Variants in TTC21A observed in about 807,000 individuals in gnomAD.
TTC21A encodes tetratricopeptide repeat domain 21A.
Under a neutral mutation model 156.4 loss-of-function variants are expected in TTC21A, and 128 were observed. That is an observed-to-expected ratio of 0.82 (90% confidence interval 0.71 to 0.95). The LOEUF (loss-of-function observed/expected upper bound fraction) is 0.95, where lower values mean the gene tolerates loss of function less well. Among genes scored for constraint, TTC21A ranks in the 40% least tolerant of loss-of-function variants. TTC21A has a pLI of 0.00. For missense variants in TTC21A, 1,435 were observed against 1,602.3 expected, an observed-to-expected ratio of 0.90 and a Z score of 1.78; for synonymous variants, 587 against 617.1, an observed-to-expected ratio of 0.95 and a Z score of 0.72.
chr3:39,114,840 G>A lies in TTC21A; in HGVS notation c.716+98G>A, dbSNP rs1261361516. On this transcript the variant is annotated intron_variant, in intron 6 of 28. Coordinates refer to ENST00000683103, the MANE Select transcript of TTC21A (RefSeq NM_001366900.1). ...AGAACAAGACAGAAAGGTAAATATC[G>A]CCCATAGAGGAACTGGGAATTGTGC... The A allele has an allele frequency of 5.0e-5, 71 of 1,424,570 alleles. 2 individuals are homozygous for A. In the South Asian group the frequency reaches 5.4e-4, roughly 11 times the overall value. The allele number at this position is 1,424,570 out of a possible 1,614,324, so 88.2% of individuals were successfully genotyped here. A position where few individuals can be genotyped will look rare whatever the true frequency, so the allele number is the denominator to read the frequency against.
intron 6 of TTC21A, among the ~76,000 whole-genome samples, chr3:39,117,864 T>C (rs1459604235): frequency 6.6e-6 from 1 of 152,184 alleles, no homozygotes; most frequent in Non-Finnish European, 1.5e-5. Flanking sequence ...AGGTCAGACC[T>C]TTGTCACATG....
chr3:39,117,259 G>T (rs1263648355), intron 6 of TTC21A, among the ~76,000 whole-genome samples: 1 of 152,202 alleles, frequency 6.6e-6, no homozygotes, highest in Non-Finnish European at 1.5e-5. Context: ...GGTTTACAGT[G>T]CTTTCAGAAG....
chr3:39,132,117 A>G (rs1424506976), intron 19 of TTC21A, among the ~76,000 whole-genome samples: 2 of 152,172 alleles, frequency 1.3e-5, no homozygotes, highest in Non-Finnish European at 2.9e-5. Flanking sequence ...ATGTTACTCT[A>G]CTGAATACTG....
At position 39,133,154 on chromosome 3, in the gene TTC21A, G is replaced by A. The variant is rs1346101901; in HGVS notation, c.2665G>A (p.Ala889Thr). The change falls in exon 20 of 29, where the codon GCA becomes ACA. Residue 889 changes from alanine to threonine, a missense_variant. Coordinates refer to ENST00000683103, the MANE Select transcript of TTC21A (RefSeq NM_001366900.1). ...QLAASICIQF[A>T]EHYLAEKEYD... ...GGCAGCCTCTATCTGCATCCAATTT[G>A]CAGAGCACTACCTGGCAGAGAAAGA... The A allele has an allele frequency of 1.2e-6, 2 of 1,614,098 alleles. No individual in the cohort carries two copies. Among genetic ancestry groups the A allele is most frequent in the Non-Finnish European group, 1.7e-6 (2 of 1,180,050 alleles).
At position 39,111,033 on chromosome 3, in the gene TTC21A, T is replaced by C; in HGVS notation, c.435+16T>C. The stretch of plus-strand genomic sequence containing the variant: ...CTTCAGAGAGGTACTTACCACACCA[T>C]GGGGACAACAGGCGAAGAAAGCAGC... On this transcript the variant is annotated intron_variant, in intron 4 of 28. Transcript: ENST00000683103. 1 of 1,584,582 alleles carries C rather than the reference T, an allele frequency of 6.3e-7. No homozygotes were observed. The highest frequency in any genetic ancestry group is 8.6e-7 in the Non-Finnish European group (1 of 1,161,870).
chr3:39,130,907 C>G lies in TTC21A; in HGVS notation c.2458+68C>G. Reference sequence around the variant, plus strand: ...ATACTCCTCCCCCATTCCCCATTAGCTGAAGTCCTGATCCCAGCGCTCCCC... The same window carrying G: ...ATACTCCTCCCCCATTCCCCATTAGGTGAAGTCCTGATCCCAGCGCTCCCC... On this transcript the variant is annotated intron_variant, in intron 18 of 28. Coordinates refer to ENST00000683103, the MANE Select transcript of TTC21A (RefSeq NM_001366900.1). The surrounding 1 kb of genome is among the most constrained non-coding windows in gnomAD (Gnocchi z 4.5). The G allele has an allele frequency of 6.2e-7, 1 of 1,608,978 alleles. No homozygotes were observed. The highest frequency in any genetic ancestry group is 8.5e-7 in the Non-Finnish European group (1 of 1,176,258).
chr3:39,136,670 G>A (rs2039139426), intron 23 of TTC21A, 163 bp downstream of exon 23: 3 of 1,050,648 alleles, frequency 2.9e-6, no homozygotes, highest in African/African-American at 3.2e-5. Context: ...CCCTGTGGAA[G>A]TCAGGGAGAG....
Position 39,134,888 on chromosome 3 carries a change from G to A in TTC21A, c.2863-205G>A. 1.7e-6 allele frequency: 1 copy of A among 601,342 alleles called. No homozygotes were observed. Among genetic ancestry groups the A allele is most frequent in the South Asian group, 2.0e-5 (1 of 49,710 alleles). 37.3% of individuals were successfully genotyped at this position (601,342 alleles called of 1,614,324 possible). The stretch of plus-strand genomic sequence containing the variant: ...CCAACTCTTCTTGCCCCTCACCTTG[G>A]GAAGTCCTCACCTTCTGGGTGGGGG... On this transcript the variant is annotated intron_variant, in intron 21 of 28. Coordinates refer to ENST00000683103, the MANE Select transcript of TTC21A (RefSeq NM_001366900.1). The surrounding 1 kb of genome is among the most constrained non-coding windows in gnomAD (Gnocchi z 4.6).
rs766726282 is a variant in TTC21A at position 39,126,369 on chromosome 3, G to A, written c.1501G>A (p.Ala501Thr). ...TCTGATCGACCCCCTGTATTTGATG[G>A]CTCAGGTCAGGTATTACTCAGGTGA... ...PALIDPLYLM[A>T]QVRYYSGELE... is the part of the protein sequence containing the mutation. The change falls in exon 12 of 29, where the codon GCT becomes ACT. Residue 501 changes from alanine to threonine, a missense_variant. Physicochemically the swap from Ala to Thr is moderately conservative, Grantham distance 58. Coordinates refer to ENST00000683103, the MANE Select transcript of TTC21A (RefSeq NM_001366900.1). The A allele has an allele frequency of 6.2e-7, 1 of 1,613,850 alleles. No individual in the cohort carries two copies. The highest frequency in any genetic ancestry group is 8.5e-7 in the Non-Finnish European group (1 of 1,179,942).
intron 8 of TTC21A, 64 bp from the exon 9 acceptor site, chr3:39,120,933 A>G: frequency 1.4e-6 from 2 of 1,435,420 alleles, no homozygotes; most frequent in Non-Finnish European, 1.9e-6. Context: ...CGTTTCTGAC[A>G]TGACCTTGCT....
chr3:39,109,529 A>G (rs2036614399), intron 2 of TTC21A, among the ~76,000 whole-genome samples: 2 of 152,146 alleles, frequency 1.3e-5, no homozygotes, highest in African/African-American at 4.8e-5. Flanking sequence ...AATGCAGGCA[A>G]AGGAGGGGGA....
At position 39,138,250 on chromosome 3, in the gene TTC21A, A is replaced by C. The variant is rs1468167561; in HGVS notation, c.3676-17A>C. 6.2e-7 allele frequency: 1 copy of C among 1,613,728 alleles called. No homozygotes were observed. Among genetic ancestry groups the C allele is most frequent in the Non-Finnish European group, 8.5e-7 (1 of 1,179,844 alleles). ...GGGCTTCCGCTCTGCAGAGGCTCTA[A>C]CTGGCTTTCCCTGCAGTCCTGCTAC... On this transcript the variant is annotated splice_polypyrimidine_tract_variant and intron_variant, in intron 26 of 28. Transcript: ENST00000683103.
rs2036319704 is a variant in TTC21A at position 39,107,752 on chromosome 3, G to C, written c.-86G>C. 6.3e-7 allele frequency: 1 copy of C among 1,585,442 alleles called. No individual in the cohort carries two copies. The highest frequency in any genetic ancestry group is 1.3e-5 in the African/African-American group (1 of 74,496). ...ACTGTAACGCCTTCAACCGCCCGCC[G>C]CGATAGAGTGCCCACGACCCTGCCT... On this transcript the variant is annotated 5_prime_UTR_variant, in exon 1 of 29. Transcript: ENST00000683103.
At position 39,134,820 on chromosome 3, in the gene TTC21A, T is replaced by C; in HGVS notation, c.2863-273T>C. 1.8e-6 allele frequency: 1 copy of C among 560,552 alleles called. No individual in the cohort carries two copies. Among genetic ancestry groups the C allele is most frequent in the Non-Finnish European group, 3.2e-6 (1 of 312,558 alleles). The allele number at this position is 560,552 out of a possible 1,614,324, so 34.7% of individuals were successfully genotyped here. A position where few individuals can be genotyped will look rare whatever the true frequency, so the allele number is the denominator to read the frequency against. Reference sequence around the variant, plus strand: ...CCTGTAGGCTGTCAAAAAGCCCCACTGGTCTCTACCACTAGTCTTACCTTC... The same window carrying C: ...CCTGTAGGCTGTCAAAAAGCCCCACCGGTCTCTACCACTAGTCTTACCTTC... On this transcript the variant is annotated intron_variant, in intron 21 of 28. Transcript: ENST00000683103. The surrounding 1 kb of genome is among the most constrained non-coding windows in gnomAD (Gnocchi z 4.6).
chr3:39,113,088 G>A (rs557895328), intron 5 of TTC21A, among the ~76,000 whole-genome samples: 70 of 151,812 alleles, frequency 4.6e-4, no homozygotes, highest in South Asian at 6.2e-4. Flanking sequence ...AAATGTCCTC[G>A]TATTTTCTTC....
At chr3:39,116,578 T>C (rs138449203) in intron 6 of TTC21A, among the ~76,000 whole-genome samples, 1,752 of 151,878 alleles carry the variant, frequency 0.012, 43 homozygotes, top group African/African-American at 0.04. Context: ...TGGGCTCAAG[T>C]GATCCTCCCA....
rs767369261 is a variant in TTC21A, at chr3:39,137,026, G to A, written c.3223G>A (p.Gly1075Arg). Residue 1075 changes from glycine (G) to arginine (R), a missense_variant, in exon 24 of 29, where the codon GGA becomes AGA. Transcript: ENST00000683103. ...CLNPDNEVVGGEAFENQGAES... is the reference protein window; with the variant it reads ...CLNPDNEVVGREAFENQGAES... ...GAATCCAGACAACGAGGTTGTGGGC[G>A]GAGAGGCTTTTGAGAACCAGGGAGC... is the stretch of plus-strand genomic sequence containing the variant. 59 of 1,613,344 alleles carry A rather than the reference G, an allele frequency of 3.7e-5. No homozygotes were observed. In the East Asian group the frequency reaches 8.7e-4, roughly 24 times the overall value.
intron 6 of TTC21A, among the ~76,000 whole-genome samples, chr3:39,117,477 A>C (rs1379165092): frequency 6.6e-6 from 1 of 152,128 alleles, no homozygotes; most frequent in Admixed American, 6.6e-5. Flanking sequence ...CAAAATTGAA[A>C]CCCAGGTTCC....
In TTC21A at chr3:39,125,414, T is replaced by G; in HGVS notation, c.1274T>G (p.Val425Gly). The change falls in exon 11 of 29, where the codon GTG becomes GGG. Residue 425 changes from valine (V) to glycine (G), a missense_variant. By Grantham distance (109) the Val-to-Gly change is moderately radical. Coordinates refer to ENST00000683103, the MANE Select transcript of TTC21A (RefSeq NM_001366900.1). ...EETTALLKEA[V>G]ELHFSSMQGI... Reference sequence around the variant, plus strand: ...ACCACAGCGCTCCTGAAGGAGGCAGTGGAGCTTCACTTCTCCAGCATGCAA... The same window carrying G: ...ACCACAGCGCTCCTGAAGGAGGCAGGGGAGCTTCACTTCTCCAGCATGCAA... The G allele has an allele frequency of 2.5e-6, 4 of 1,614,184 alleles. No homozygotes were observed. In the East Asian group the frequency reaches 6.7e-5, roughly 27 times the overall value.
Sources: gnomAD v4.1 joint callset for allele counts (sites outside exome capture counted in the v4.1 genomes callset) on GRCh38, gnomAD v4.1.1 for gene constraint, Gnocchi (gnomAD v3.1) non-coding constraint, MANE v1.5 for transcripts, NCBI Gene and HGNC (gene_info 2026-07-23, HGNC 2026-07-21) for gene names.